The following AXIN1 variants were observed in gnomAD, a reference collection of about 807,000 sequenced individuals.
AXIN1 encodes the protein axin-1.
In AXIN1, 30 loss-of-function variants were observed where a neutral mutation model predicts 76.4. That is an observed-to-expected ratio of 0.39 (90% CI 0.29 to 0.53). The LOEUF (loss-of-function observed/expected upper bound fraction) is 0.53, where lower values mean the gene tolerates loss of function less well. Among genes scored for constraint, AXIN1 ranks in the 20% least tolerant of loss-of-function variants. The pLI is 0.66. For synonymous variants in AXIN1, 545 were observed against 501.4 expected (o/e 1.09, Z -1.16); for missense variants, 1,140 against 1,198.8 (o/e 0.95, Z 0.72).
chr16:288,743 C>T (rs1212332218), intron 10 of AXIN1, among the ~76,000 whole-genome samples: 2 of 152,264 alleles, frequency 1.3e-5, no homozygotes, highest in Non-Finnish European at 1.5e-5. Context: ...GCCTCCAAGG[C>T]TGGCTGCACG....
Position 346,183 on chromosome 16 carries a change from G to C in AXIN1, c.843C>G (p.Ser281=), listed in dbSNP as rs2141700342. ...LLLETAAPRV[S]SSRRYSEGRE... Reference sequence around the variant, plus strand: ...TGCCTTCGCTGTACCGTCTACTGGAGGAGACCCTCGGGGCAGCTGTCTCCA... The same window carrying C: ...TGCCTTCGCTGTACCGTCTACTGGACGAGACCCTCGGGGCAGCTGTCTCCA... Residue 281 remains serine, a synonymous_variant, in exon 2 of 11, where the codon TCC becomes TCG. Transcript: ENST00000262320. 1 of 1,613,920 alleles carries C rather than the reference G, an allele frequency of 6.2e-7. No homozygotes were observed. Among genetic ancestry groups the C allele is most frequent in the Non-Finnish European group, 8.5e-7 (1 of 1,180,030 alleles).
chr16:304,593 G>GGCGT (rs1258173215), intron 4 of AXIN1, 152 bp from the exon 5 acceptor site: 1 of 1,262,216 alleles, frequency 7.9e-7, no homozygotes, highest in Non-Finnish European at 1.1e-6. Context: ...GGAGTGCAAT[G>GGCGT]GCGTGATCTT....
intron 2 of AXIN1, among the ~76,000 whole-genome samples, chr16:320,785 A>G (rs77875709): frequency 4.6e-4 from 42 of 91,360 alleles, no homozygotes; most frequent in Non-Finnish European, 6.5e-4. Context: ...TTTCGCCCAG[A>G]CTGGAGTGCA....
chr16:351,040 G>A (rs1016096768), intron 1 of AXIN1, among the ~76,000 whole-genome samples: 19 of 151,986 alleles, frequency 1.3e-4, no homozygotes, highest in Admixed American at 1.0e-3. Context: ...GCTGAGGCAG[G>A]AGAATCGCTT....
chr16:322,518 C>G (rs2053481329), intron 2 of AXIN1, among the ~76,000 whole-genome samples: 1 of 152,192 alleles, frequency 6.6e-6, no homozygotes, highest in African/African-American at 2.4e-5. Context: ...CTGTGCCTCA[C>G]CTGGGCACAG....
In AXIN1 at chr16:334,702, A is replaced by G. The variant is rs555118280; in HGVS notation, c.878+11446T>C. Among the ~76,000 whole-genome samples the G allele has an allele frequency of 2.0e-5, 3 of 151,784 alleles. No homozygotes were observed. The South Asian group carries it at 6.3e-4, about 32-fold the overall frequency. On this transcript the variant is annotated intron_variant, in intron 2 of 10. Coordinates refer to ENST00000262320, the MANE Select transcript of AXIN1 (RefSeq NM_003502.4). ...ACAGCACCCAATACCACAGCACACC[A>G]ATAACATAGCACCCAGTACCACAGC...
At chr16:312,032 A>T (rs1202755946) in intron 3 of AXIN1, among the ~76,000 whole-genome samples, 1 of 152,166 alleles carries the variant, frequency 6.6e-6, no homozygotes, top group African/African-American at 2.4e-5. Flanking sequence ...AGTGAATCTA[A>T]AACTCACCTA....
At chr16:350,669 T>C (rs1482274605) in intron 1 of AXIN1, among the ~76,000 whole-genome samples, 2 of 152,248 alleles carry the variant, frequency 1.3e-5, no homozygotes, top group Admixed American at 6.5e-5. Context: ...ATTTCACATG[T>C]AATTTATTCC....
chr16:329,076 G>A (rs952921121), intron 2 of AXIN1, among the ~76,000 whole-genome samples: 9 of 152,018 alleles, frequency 5.9e-5, no homozygotes, highest in Non-Finnish European at 1.2e-4. Context: ...TCAGGAGTTC[G>A]AGACCAGCCT....
chr16:335,271 G>A (rs532759204), intron 2 of AXIN1, among the ~76,000 whole-genome samples: 3 of 152,246 alleles, frequency 2.0e-5, no homozygotes, highest in South Asian at 4.1e-4. Context: ...GGGCCCTCAC[G>A]CCAGTGCCTC....
intron 8 of AXIN1, chr16:291,689 C>G (rs945921266): frequency 2.9e-6 from 1 of 340,390 alleles, no homozygotes; most frequent in East Asian, 7.8e-5. Flanking sequence ...GGCTCTGGGG[C>G]GTGCGTGGCA....
chr16:316,651 T>C (rs2053308745), intron 2 of AXIN1, among the ~76,000 whole-genome samples: 1 of 152,020 alleles, frequency 6.6e-6, no homozygotes. Flanking sequence ...TTTATCACAG[T>C]GCACCCTGAC....
chr16:337,972 G>A (rs1447676835), intron 2 of AXIN1, among the ~76,000 whole-genome samples: 1 of 152,222 alleles, frequency 6.6e-6, no homozygotes, highest in Non-Finnish European at 1.5e-5. Flanking sequence ...TGGGTTCTGA[G>A]AGAACCCTGA....
chr16:332,936 ACTCT>A (rs2053724090), intron 2 of AXIN1, among the ~76,000 whole-genome samples: 1 of 152,104 alleles, frequency 6.6e-6, no homozygotes, highest in Non-Finnish European at 1.5e-5. Flanking sequence ...TGCAATTTCA[ACTCT>A]CTGAGAGGCC....
Position 344,018 on chromosome 16 carries a change from AAAAG to A in AXIN1, c.878+2126_878+2129del, listed in dbSNP as rs1187262831. Among the ~76,000 whole-genome samples the A allele has an allele frequency of 1.9e-3, 291 of 151,468 alleles. 2 individuals carry two copies. Among genetic ancestry groups the A allele is most frequent in the Admixed American group, 0.012 (177 of 15,224 alleles). ...GCGAGACTCCATTTCAAAAAAAAAAAAAAGAAAGAAAGAAAGAAACTCTCAGTTT... is the reference window on the plus strand; with the variant it reads ...GCGAGACTCCATTTCAAAAAAAAAAAAAAGAAAGAAAGAAACTCTCAGTTT... On this transcript the variant is annotated intron_variant, in intron 2 of 10. Transcript: ENST00000262320.
chr16:338,383 A>G (rs985220327), intron 2 of AXIN1, among the ~76,000 whole-genome samples: 2 of 152,216 alleles, frequency 1.3e-5, no homozygotes, highest in African/African-American at 4.8e-5. Flanking sequence ...CCAGGCACAC[A>G]GTCTCATCGG....
Position 296,755 on chromosome 16 carries a change from A to C in AXIN1, c.1955+301T>G, listed in dbSNP as rs530694210. 8.7e-4 allele frequency among the ~76,000 whole-genome samples: 133 copies of C among 152,214 alleles called. 1 individual carries two copies. The highest frequency in any genetic ancestry group is 7.4e-5 in the Non-Finnish European group (5 of 67,994). On this transcript the variant is annotated intron_variant, in intron 7 of 10. Coordinates refer to ENST00000262320, the MANE Select transcript of AXIN1 (RefSeq NM_003502.4). ...TAGGTCATTCTCATGTGGGGGTCAG[A>C]CTGGAAATGACCTCCCGAGAGCATC...
chr16:352,169 G>C (rs891165122), intron 1 of AXIN1, among the ~76,000 whole-genome samples, 200 bp downstream of exon 1: 6 of 151,776 alleles, frequency 4.0e-5, no homozygotes, highest in Non-Finnish European at 7.4e-5. Context: ...TCCGTGCCCC[G>C]AGACGCGCCC....
intron 1 of AXIN1, among the ~76,000 whole-genome samples, chr16:348,156 T>C (rs1267991147): frequency 6.6e-6 from 1 of 152,196 alleles, no homozygotes; most frequent in East Asian, 1.9e-4. Flanking sequence ...TGCCATGGTC[T>C]ATGGTCCTTC....
Sources: allele counts gnomAD v4.1 joint callset (sites outside exome capture counted in the v4.1 genomes callset), GRCh38; gene constraint gnomAD v4.1.1; transcripts MANE v1.5; gene names NCBI Gene and HGNC (gene_info 2026-07-23, HGNC 2026-07-21).